BTF3L4: variants seen among roughly 807,000 people sequenced by gnomAD.
BTF3L4 encodes the protein transcription factor BTF3 homolog 4.
In BTF3L4, 6 loss-of-function variants were observed where a neutral mutation model predicts 16.8. The observed-to-expected ratio is 0.36, with a 90% CI of 0.20 to 0.71. The LOEUF is 0.71. Among genes scored for constraint, BTF3L4 ranks in the 30% least tolerant of loss-of-function variants. BTF3L4 has a pLI of 0.58. For synonymous variants in BTF3L4, 39 were observed against 59.8 expected, an observed-to-expected ratio of 0.65 and a Z score of 1.60; for missense variants, 92 against 186.9, an observed-to-expected ratio of 0.49 and a Z score of 2.96.
In BTF3L4 at chr1:52,083,402, C is replaced by T. The variant is rs199657688; in HGVS notation, c.231C>T (p.Ser77=). Residue 77 remains serine (S), a synonymous_variant, in exon 4 of 6, where the codon TCC becomes TCT. Transcript: ENST00000313334. ...IHFNNPKVQA[S]LSANTFAITG... The stretch of plus-strand genomic sequence containing the variant: ...TCAACAATCCCAAAGTCCAAGCTTC[C>T]CTTTCTGCTAATACCTTTGCAATTA... 2 of 1,611,918 alleles carry T rather than the reference C, an allele frequency of 1.2e-6. No individual in the cohort carries two copies. The highest frequency in any genetic ancestry group is 2.2e-5 in the East Asian group (1 of 44,872).
At chr1:52,062,900 G>C (rs1686555254) in intron 2 of BTF3L4, among the ~76,000 whole-genome samples, 1 of 147,910 alleles carries the variant, frequency 6.8e-6, no homozygotes, top group Non-Finnish European at 1.5e-5. Flanking sequence ...CTCATGAGGA[G>C]TGCGCATCCT....
intron 3 of BTF3L4, among the ~76,000 whole-genome samples, chr1:52,073,529 C>CATAT (rs1213467869): frequency 1.4e-5 from 2 of 143,464 alleles, no homozygotes; most frequent in Non-Finnish European, 3.0e-5. Flanking sequence ...CACACACACA[C>CATAT]ATATGATTAC....
intron 3 of BTF3L4, among the ~76,000 whole-genome samples, chr1:52,071,931 C>CTGTGTGTGTGTGTGTGTGTGTGTGTG (rs59491944): frequency 1.6e-5 from 2 of 127,898 alleles, no homozygotes; most frequent in Admixed American, 1.6e-4. Flanking sequence ...GTTTTTTACT[C>CTGTGTGTGTGTGTGTGTGTGTGTGTG]TGTGTGTGTG....
chr1:52,068,808 A>T (rs1275937841), intron 3 of BTF3L4, among the ~76,000 whole-genome samples: 1 of 152,118 alleles, frequency 6.6e-6, no homozygotes, highest in Admixed American at 6.6e-5. Context: ...ATTTCCAAGG[A>T]CATTGCTGTT....
rs142532129 is a variant in BTF3L4 at position 52,087,056 on chromosome 1, T to C, written c.*298T>C. On this transcript the variant is annotated 3_prime_UTR_variant, in exon 6 of 6. Transcript: ENST00000313334. ...GGTATTTTTGGTGTATGTATGTTTA[T>C]GTATGTGTGTGGGTATGTGTGTATA... 1,089 of 275,452 alleles carry C rather than the reference T, an allele frequency of 4.0e-3. 11 individuals carry two copies. The highest frequency in any genetic ancestry group is 0.016 in the African/African-American group (707 of 45,228). 17.1% of individuals were successfully genotyped at this position (275,452 alleles called of 1,614,324 possible). A position where few individuals can be genotyped will look rare whatever the true frequency, so the allele number is the denominator to read the frequency against.
intron 3 of BTF3L4, among the ~76,000 whole-genome samples, chr1:52,078,525 A>G (rs867300311): frequency 6.6e-6 from 1 of 152,198 alleles, no homozygotes; most frequent in Non-Finnish European, 1.5e-5. Flanking sequence ...TACAAATGCA[A>G]TTATACTACA....
At chr1:52,068,916 T>A (rs1277105964) in intron 3 of BTF3L4, among the ~76,000 whole-genome samples, 1 of 152,226 alleles carries the variant, frequency 6.6e-6, no homozygotes, top group African/African-American at 2.4e-5. Context: ...TAGGTGCCTT[T>A]CGTGTATGCC....
chr1:52,080,529 T>G (rs906521687), intron 3 of BTF3L4, among the ~76,000 whole-genome samples: 1 of 119,546 alleles, frequency 8.4e-6, no homozygotes, highest in Non-Finnish European at 1.7e-5. Flanking sequence ...GTTTTTTTTT[T>G]TTTTTTTTTT....
chr1:52,074,066 G>C (rs949034330), intron 3 of BTF3L4, among the ~76,000 whole-genome samples: 1 of 152,096 alleles, frequency 6.6e-6, no homozygotes, highest in Non-Finnish European at 1.5e-5. Context: ...CTCAGAGGGT[G>C]AGGCAGGAGG....
chr1:52,060,250 C>T (rs1275326270), intron 2 of BTF3L4, among the ~76,000 whole-genome samples: 5 of 151,958 alleles, frequency 3.3e-5, no homozygotes, highest in Non-Finnish European at 7.4e-5. Context: ...TATAAAACAC[C>T]TAATGTGGTG....
At chr1:52,075,605 A>G (rs889963110) in intron 3 of BTF3L4, among the ~76,000 whole-genome samples, 1 of 146,092 alleles carries the variant, frequency 6.8e-6, no homozygotes, top group Non-Finnish European at 1.5e-5. Flanking sequence ...TATAGTAATT[A>G]TATATTATAT....
At chr1:52,083,049 T>C (rs185722123) in intron 3 of BTF3L4, among the ~76,000 whole-genome samples, 68 of 152,328 alleles carry the variant, frequency 4.5e-4, no homozygotes, top group South Asian at 1.2e-3. Flanking sequence ...ACTTCCATTT[T>C]TTAAAAAAAC....
At chr1:52,065,103 CA>C (rs1312703423) in intron 3 of BTF3L4, 165 bp downstream of exon 3, 9 of 402,678 alleles carry the variant, frequency 2.2e-5, no homozygotes, top group South Asian at 1.8e-4. Context: ...AAATGATGGT[CA>C]AAAAAATAAT....
chr1:52,061,905 G>A (rs1686520761), intron 2 of BTF3L4, among the ~76,000 whole-genome samples: 1 of 150,794 alleles, frequency 6.6e-6, no homozygotes, highest in African/African-American at 2.4e-5. Context: ...GCCTCCCAAA[G>A]TGCTGGGATT....
intron 3 of BTF3L4, among the ~76,000 whole-genome samples, chr1:52,073,493 TACACACACACACACACAC>T (rs142147737): frequency 5.7e-5 from 8 of 139,270 alleles, no homozygotes; most frequent in Non-Finnish European, 1.1e-4. Flanking sequence ...ATATGCTACA[TACACACACACACACACAC>T]ACACACACAC....
In BTF3L4 at chr1:52,086,883, A is replaced by G. The variant is rs1394283984; in HGVS notation, c.*125A>G. 6.1e-6 allele frequency: 3 copies of G among 492,012 alleles called. No homozygotes were observed. Among genetic ancestry groups the G allele is most frequent in the Non-Finnish European group, 7.2e-6 (2 of 278,846 alleles). The allele number at this position is 492,012 out of a possible 1,614,324, so 30.5% of individuals were successfully genotyped here. Reference sequence around the variant, plus strand: ...AGTAATATAAATATTTTGTATATTAATAATGCTGTTTGTTCAGCATTTTTC... The same window carrying G: ...AGTAATATAAATATTTTGTATATTAGTAATGCTGTTTGTTCAGCATTTTTC... On this transcript the variant is annotated 3_prime_UTR_variant, in exon 6 of 6. Transcript: ENST00000313334.
intron 1 of BTF3L4, among the ~76,000 whole-genome samples, chr1:52,057,671 T>A (rs970636172): frequency 1.2e-4 from 18 of 152,250 alleles, no homozygotes; most frequent in African/African-American, 4.1e-4. Flanking sequence ...ATAGACTGAG[T>A]CCAGTCCTCT....
intron 3 of BTF3L4, among the ~76,000 whole-genome samples, chr1:52,082,383 A>G (rs1326616484): frequency 6.6e-6 from 1 of 152,176 alleles, no homozygotes. Flanking sequence ...AGTGGGTGGG[A>G]CAATTTCTTT....
intron 4 of BTF3L4, among the ~76,000 whole-genome samples, chr1:52,085,065 G>C (rs1055338086): frequency 3.6e-5 from 5 of 137,090 alleles, no homozygotes; most frequent in African/African-American, 1.5e-4. Flanking sequence ...CTGTTGCCCA[G>C]GCTGGAGTGC....
Sources: gnomAD v4.1 joint callset for allele counts (sites outside exome capture counted in the v4.1 genomes callset) on GRCh38, gnomAD v4.1.1 for gene constraint, MANE v1.5 for transcripts, NCBI Gene and HGNC (gene_info 2026-07-23, HGNC 2026-07-21) for gene names.